Variants in FASN observed in about 807,000 individuals in gnomAD.
The protein encoded by FASN is fatty acid synthase.
Under a neutral mutation model 250.0 loss-of-function variants are expected in FASN, and 50 were observed. The observed-to-expected ratio is 0.20, with a 90% confidence interval of 0.16 to 0.25. The LOEUF (loss-of-function observed/expected upper bound fraction) is 0.25. Among genes scored for constraint, FASN ranks in the 10% least tolerant of loss-of-function variants. The pLI is 1.00. For missense variants in FASN, 3,031 were observed against 3,498.5 expected, an observed-to-expected ratio of 0.87 and a Z score of 3.37; for synonymous variants, 1,909 against 1,584.0, an observed-to-expected ratio of 1.21 and a Z score of -4.87.
In FASN at chr17:82,089,290, A is replaced by G; in HGVS notation, c.2060T>C (p.Met687Thr). 6.2e-7 allele frequency: 1 copy of G among 1,612,748 alleles called. No individual in the cohort carries two copies. Among genetic ancestry groups the G allele is most frequent in the Non-Finnish European group, 8.5e-7 (1 of 1,179,944 alleles). The change falls in exon 13 of 43, where the codon ATG (methionine) becomes ACG (threonine). Residue 687 changes from methionine to threonine, a missense_variant. By Grantham distance (81) the Met-to-Thr change is moderately conservative (BLOSUM62 -1). Transcript: ENST00000306749. ...TGGMAFHSYF[M>T]EAIAPPLLQE... ...CAGCAGTGGGGGTGCGATGGCCTCCATGAAGTAGGAGTGGAAGGCCATACC... is the reference window on the plus strand; with the variant it reads ...CAGCAGTGGGGGTGCGATGGCCTCCGTGAAGTAGGAGTGGAAGGCCATACC...
In FASN at chr17:82,088,963, G is replaced by T. The variant is rs746116193; in HGVS notation, c.2304+6C>A. 23 of 1,608,842 alleles carry T rather than the reference G, an allele frequency of 1.4e-5. No individual in the cohort carries two copies. The highest frequency in any genetic ancestry group is 3.4e-5 in the Admixed American group (2 of 59,610). On this transcript the variant is annotated splice_donor_region_variant and intron_variant, in intron 14 of 42. Transcript: ENST00000306749. ...CCGGCGCCTGCTGCCCCCAGGCTGG[G>T]CCTACCTGCAGCAGGGCGTGGGGCG...
At chr17:82,096,500 C>G in intron 1 of FASN, 48 bp from the exon 2 acceptor site, 1 of 1,603,072 alleles carries the variant, frequency 6.2e-7, no homozygotes, top group Non-Finnish European at 8.5e-7. Context: ...GCCACGACAC[C>G]CCCGTCAACA....
chr17:82,085,536 G>C lies in FASN; in HGVS notation c.4068C>G (p.Ile1356Met). The C allele has an allele frequency of 6.3e-7, 1 of 1,595,990 alleles. No individual in the cohort carries two copies. Among genetic ancestry groups the C allele is most frequent in the Non-Finnish European group, 8.5e-7 (1 of 1,171,960 alleles). ...TLLRGHPLGDIVAFLTSTEPQ... is the reference protein window; with the variant it reads ...TLLRGHPLGDMVAFLTSTEPQ... ...GCTCAGTGGAGGTGAGGAAGGCCAC[G>C]ATGTCCCCGAGGGGGTGCCCCCGGA... Residue 1356 changes from isoleucine (I) to methionine (M), a missense_variant, in exon 23 of 43, where the codon ATC becomes ATG. By Grantham distance (10) the Ile-to-Met change is conservative. Transcript: ENST00000306749.
In FASN at chr17:82,089,071, G is replaced by A. The variant is rs779108926; in HGVS notation, c.2202C>T (p.Tyr734=). 1.9e-6 allele frequency: 3 copies of A among 1,589,550 alleles called. No individual in the cohort carries two copies. The highest frequency in any genetic ancestry group is 1.3e-5 in the African/African-American group (1 of 74,078). Reference sequence around the variant, plus strand: ...CAGGGCTCACCAGGTTGTTGACATTGTACTCGGCGGAGGACGTGCGTGCCA... The same window carrying A: ...CAGGGCTCACCAGGTTGTTGACATTATACTCGGCGGAGGACGTGCGTGCCA... ...SSLARTSSAE[Y]NVNNLVSPVL... Residue 734 remains tyrosine, a synonymous_variant, in exon 14 of 43, where the codon TAC becomes TAT. Coordinates refer to ENST00000306749, the MANE Select transcript of FASN (RefSeq NM_004104.5).
intron 21 of FASN, 104 bp downstream of exon 21, chr17:82,086,946 C>A: frequency 7.3e-7 from 1 of 1,372,764 alleles, no homozygotes; most frequent in Non-Finnish European, 1.0e-6. Context: ...GGTTGCTGAC[C>A]CCAAAGGGGG....
At position 82,087,326 on chromosome 17, in the gene FASN, T is replaced by G. The variant is rs2034123074; in HGVS notation, c.3222A>C (p.Gln1074His). 2 of 1,610,890 alleles carry G rather than the reference T, an allele frequency of 1.2e-6. No homozygotes were observed. Among genetic ancestry groups the G allele is most frequent in the Non-Finnish European group, 1.7e-6 (2 of 1,179,462 alleles). The part of the protein sequence containing the change: ...QKLYTLQDKA[Q>H]VADVVVSRWL... ...GGGCTGGGGCTGGGGCGGGGCTACC[T>G]TGGGCCTTGTCCTGCAGTGTGTACA... Residue 1074 changes from glutamine to histidine, a missense_variant and splice_region_variant, in exon 20 of 43, where the codon CAA (glutamine) becomes CAC (histidine). Physicochemically the swap from Gln to His is conservative, Grantham distance 24. Transcript: ENST00000306749.
intron 2 of FASN, 132 bp downstream of exon 2, chr17:82,096,187 C>T (rs1300465533): frequency 1.4e-6 from 2 of 1,426,302 alleles, no homozygotes; most frequent in Non-Finnish European, 2.0e-6. Context: ...TGACCAGTGG[C>T]TCTGCAGCTG....
chr17:82,079,684 CT>C (rs904396780), intron 41 of FASN, 76 bp from the exon 42 acceptor site: 37,859 of 999,434 alleles, frequency 0.038, no homozygotes, highest in South Asian at 0.062. Context: ...TGCGGGTGGG[CT>C]TTTTTTTTTT....
chr17:82,086,237 GC>G lies in FASN; in HGVS notation c.3732+16del. ...CCATGTCCGGGGCAGAGGCCTGGCT[GC>G]CCAGGAGGCACCCACCTCCACCACC... On this transcript the variant is annotated intron_variant, in intron 22 of 42. Coordinates refer to ENST00000306749, the MANE Select transcript of FASN (RefSeq NM_004104.5). The G allele has an allele frequency of 6.5e-7, 1 of 1,547,732 alleles. No individual in the cohort carries two copies.
At position 82,096,464 on chromosome 17, in the gene FASN, G is replaced by A. The variant is rs780562669; in HGVS notation, c.-7-12C>T. ...CCTCCATGGCTGCTCTGCAGGGCGG[G>A]CGGTGTGAGTGCCCCACACATCCCG... On this transcript the variant is annotated splice_polypyrimidine_tract_variant and intron_variant, in intron 1 of 42. Coordinates refer to ENST00000306749, the MANE Select transcript of FASN (RefSeq NM_004104.5). The A allele has an allele frequency of 6.8e-6, 11 of 1,609,764 alleles. No individual in the cohort carries two copies. Among genetic ancestry groups the A allele is most frequent in the Non-Finnish European group, 7.6e-6 (9 of 1,179,908 alleles).
At position 82,095,399 on chromosome 17, in the gene FASN, G is replaced by C. The variant is rs1228884523; in HGVS notation, c.201C>G (p.Val67=). 6 of 1,612,960 alleles carry C rather than the reference G, an allele frequency of 3.7e-6. No individual in the cohort carries two copies. The highest frequency in any genetic ancestry group is 1.3e-5 in the African/African-American group (1 of 75,060). ...LSRFDASFFG[V]HPKQAHTMDP... is the part of the protein sequence containing the mutation. ...CCATCGTGTGTGCCTGCTTGGGGTG[G>C]ACTCCGAAGAAGGAGGCATCAAACC... The change falls in exon 3 of 43, where the codon GTC becomes GTG. Residue 67 remains valine, a synonymous_variant. Coordinates refer to ENST00000306749, the MANE Select transcript of FASN (RefSeq NM_004104.5).
At chr17:82,089,833 T>C (rs766153434) in intron 11 of FASN, 107 bp from the exon 12 acceptor site, 15 of 979,378 alleles carry the variant, frequency 1.5e-5, no homozygotes, top group Non-Finnish European at 2.1e-5. Flanking sequence ...ACAAGTGTGG[T>C]AATGGCAGCC....
In FASN at chr17:82,093,409, G is replaced by A. The variant is rs764556208; in HGVS notation, c.465C>T (p.Ile155=). The stretch of plus-strand genomic sequence containing the variant: ...TGGAGGAGCAGGCTGTGTCCAGTGC[G>A]ATGCTGGGCCCTGCAAGGAAGGGTG... ...SFFFDFRGPS[I]ALDTACSSSL... The change falls in exon 5 of 43, where the codon ATC becomes ATT. Residue 155 remains isoleucine, a synonymous_variant. Transcript: ENST00000306749. The A allele has an allele frequency of 1.9e-5, 31 of 1,601,254 alleles. No individual in the cohort carries two copies. The highest frequency in any genetic ancestry group is 4.5e-5 in the South Asian group (4 of 89,096).
rs769088397 is a variant in FASN at position 82,092,686 on chromosome 17, G to A, written c.894+11C>T. 2 of 1,207,954 alleles carry A rather than the reference G, an allele frequency of 1.7e-6. No homozygotes were observed. The highest frequency in any genetic ancestry group is 2.4e-6 in the Non-Finnish European group (2 of 832,242). The allele number at this position is 1,207,954 out of a possible 1,614,324, so 74.8% of individuals were successfully genotyped here. On this transcript the variant is annotated intron_variant, in intron 7 of 42. Coordinates refer to ENST00000306749, the MANE Select transcript of FASN (RefSeq NM_004104.5). Reference sequence around the variant, plus strand: ...TGGGGTGGTGAGTGGGGCGGGGGGGGGGGGCATCACCTTGGTGCCTGTGCC... The same window carrying A: ...TGGGGTGGTGAGTGGGGCGGGGGGGAGGGGCATCACCTTGGTGCCTGTGCC...
intron 41 of FASN, chr17:82,079,863 A>G (rs2033956819): frequency 1.6e-6 from 1 of 632,488 alleles, no homozygotes; most frequent in Non-Finnish European, 2.7e-6. Flanking sequence ...GAGTGCCACC[A>G]TGCCTGGCTA....
chr17:82,089,639 C>A lies in FASN; in HGVS notation c.1958G>T (p.Gly653Val). The A allele has an allele frequency of 6.2e-7, 1 of 1,600,346 alleles. No homozygotes were observed. Among genetic ancestry groups the A allele is most frequent in the Non-Finnish European group, 8.5e-7 (1 of 1,174,300 alleles). ...CCAGGCCGCAGCACCCACCTGAGGT[C>A]CCGAGATGGTGACTGTGTCCTTGGA... ...HNSKDTVTIS[G>V]PQAPVFEFVE... Residue 653 changes from glycine (G) to valine (V), a missense_variant, in exon 12 of 43, where the codon GGA becomes GTA. Physicochemically the swap from Gly to Val is moderately radical, Grantham distance 109. Coordinates refer to ENST00000306749, the MANE Select transcript of FASN (RefSeq NM_004104.5).
At position 82,080,509 on chromosome 17, in the gene FASN, C is replaced by A. The variant is rs1392294588; in HGVS notation, c.6908G>T (p.Arg2303Leu). ...IRQVQPEGPYRVAGYSYGACV... is the reference protein window; with the variant it reads ...IRQVQPEGPYLVAGYSYGACV... ...GGCCCCGTAGGAGTAGCCGGCCACG[C>A]GGTAGGGGCCCTCGGGCTGCACCTG... Residue 2303 changes from arginine to leucine, a missense_variant, in exon 40 of 43, where the codon CGC becomes CTC. Physicochemically the swap from Arg to Leu is moderately radical, Grantham distance 102. Transcript: ENST00000306749. 1 of 1,563,608 alleles carries A rather than the reference C, an allele frequency of 6.4e-7. No individual in the cohort carries two copies. Among genetic ancestry groups the A allele is most frequent in the African/African-American group, 1.4e-5 (1 of 73,764 alleles).
Position 82,087,734 on chromosome 17 carries a change from G to A in FASN, c.2994C>T (p.Gly998=). 3.7e-6 allele frequency: 6 copies of A among 1,612,438 alleles called. No individual in the cohort carries two copies. The highest frequency in any genetic ancestry group is 4.2e-6 in the Non-Finnish European group (5 of 1,180,012). The change falls in exon 19 of 43, where the codon GGC becomes GGT. Residue 998 remains glycine, a synonymous_variant. Coordinates refer to ENST00000306749, the MANE Select transcript of FASN (RefSeq NM_004104.5). ...CCTGGAAATGAGGGCCGTAGTCGTA[G>A]CCACGCAGACGCAGCTCCTTGTAAA... ...AEVYKELRLR[G]YDYGPHFQGI... is the part of the protein sequence containing the mutation.
chr17:82,078,859 C>A lies in FASN; in HGVS notation c.*284G>T, dbSNP rs908307111. 7 of 555,014 alleles carry A rather than the reference C, an allele frequency of 1.3e-5. No homozygotes were observed. The highest frequency in any genetic ancestry group is 3.8e-5 in the African/African-American group (2 of 52,916). 34.4% of individuals were successfully genotyped at this position (555,014 alleles called of 1,614,324 possible). A position where few individuals can be genotyped will look rare whatever the true frequency, so the allele number is the denominator to read the frequency against. ...ACAGAAAGACCAAGCGCAGACCCCA[C>A]GGGCGCACGAGGCCCAGCCCAGTTC... On this transcript the variant is annotated 3_prime_UTR_variant, in exon 43 of 43. Transcript: ENST00000306749. This position sits in a 1 kb window ranked among gnomAD's most constrained non-coding sequence, Gnocchi z 5.4.
Sources: gnomAD v4.1 joint callset for allele counts on GRCh38, gnomAD v4.1.1 for gene constraint, Gnocchi (gnomAD v3.1) non-coding constraint, MANE v1.5 for transcripts, NCBI Gene and HGNC (gene_info 2026-07-23, HGNC 2026-07-21) for gene names.